C16orf89: variants seen among roughly 807,000 people sequenced by gnomAD.
C16orf89 encodes the protein UPF0764 protein C16orf89.
Under a neutral mutation model 41.5 loss-of-function variants are expected in C16orf89, and 57 were observed. That is an observed-to-expected ratio of 1.38 (90% confidence interval 1.11 to 1.71). The LOEUF is 1.71. Ranked by LOEUF, C16orf89 falls within the 40% of genes most tolerant of loss-of-function variation. C16orf89 has a pLI of 0.00. For missense variants in C16orf89, 575 were observed against 445.9 expected (o/e 1.29, Z -2.61); for synonymous variants, 223 against 190.6 (o/e 1.17, Z -1.40).
At chr16:5,046,620 G>C (rs1217514108) in intron 7 of C16orf89, among the ~76,000 whole-genome samples, 3 of 152,130 alleles carry the variant, frequency 2.0e-5, no homozygotes, top group African/African-American at 7.2e-5. Flanking sequence ...CAAAGTGCTA[G>C]GATTACAGGC....
At chr16:5,045,488 A>G (rs1312091855) in intron 7 of C16orf89, among the ~76,000 whole-genome samples, 2 of 152,146 alleles carry the variant, frequency 1.3e-5, no homozygotes, top group African/African-American at 4.8e-5. Flanking sequence ...GGAGCCAGGA[A>G]TTCTTTCCTC....
chr16:5,045,629 A>T lies in C16orf89; in HGVS notation c.956-1151T>A, dbSNP rs1277860665. Among the ~76,000 whole-genome samples the T allele has an allele frequency of 4.6e-5, 7 of 152,158 alleles. 1 individual carries two copies. The highest frequency in any genetic ancestry group is 4.6e-4 in the Admixed American group (7 of 15,274). On this transcript the variant is annotated intron_variant, in intron 7 of 7. Coordinates refer to ENST00000472572, the MANE Select transcript of C16orf89 (RefSeq NM_001098514.3). ...CCTCTCAGTGGCCTACTGTATGCCA[A>T]ATACAATGGGGAGGGCTTTGCACGA...
chr16:5,047,929 A>G lies in C16orf89; in HGVS notation c.904T>C (p.Tyr302His), dbSNP rs747298125. ...EDEELSKAIQ[Y>H]QQHFSRRVKR... ...ACTCTCCTCGAAAAATGCTGCTGAT[A>G]TTGAATAGCTTTAGATAATTCTTCA... is the stretch of plus-strand genomic sequence containing the variant. Residue 302 changes from tyrosine to histidine, a missense_variant, in exon 7 of 8, where the codon TAT becomes CAT. Physicochemically the swap from Tyr to His is moderately conservative, Grantham distance 83. Transcript: ENST00000472572. 32 of 1,603,958 alleles carry G rather than the reference A, an allele frequency of 2.0e-5. No homozygotes were observed. Among genetic ancestry groups the G allele is most frequent in the Non-Finnish European group, 2.0e-5 (24 of 1,171,804 alleles).
intron 3 of C16orf89, 65 bp from the exon 4 acceptor site, chr16:5,058,675 C>T: frequency 7.4e-7 from 1 of 1,349,578 alleles, no homozygotes. Context: ...TCTTCCCAGC[C>T]CCCTAGTTGT....
At chr16:5,062,320 T>C (rs1233975547) in intron 2 of C16orf89, 105 bp downstream of exon 2, 2 of 1,366,044 alleles carry the variant, frequency 1.5e-6, no homozygotes, top group Non-Finnish European at 1.9e-6. Context: ...GGTTACGGAC[T>C]GTCCCAGCCC....
chr16:5,053,427 G>C (rs1279015629), intron 6 of C16orf89, among the ~76,000 whole-genome samples: 1 of 152,108 alleles, frequency 6.6e-6, no homozygotes, highest in African/African-American at 2.4e-5. Context: ...AGGGGGATGG[G>C]GGAGAGGAGA....
Position 5,060,379 on chromosome 16 carries a change from G to T in C16orf89, c.416C>A (p.Thr139Asn), listed in dbSNP as rs373894585. 261 of 1,613,430 alleles carry T rather than the reference G, an allele frequency of 1.6e-4. 1 individual carries two copies. The highest frequency in any genetic ancestry group is 1.9e-4 in the Non-Finnish European group (223 of 1,179,776). ...FWKLPHAWIH[T>N]DASLVYPTFG... is the part of the protein sequence containing the mutation. ...CGTGGGGTACACCAAGGAGGCATCA[G>T]TGTGGATCCAGGCATGTGGGAGCTT... Residue 139 changes from threonine to asparagine, a missense_variant, in exon 3 of 8, where the codon ACT (threonine) becomes AAT (asparagine). Physicochemically the swap from Thr to Asn is moderately conservative, Grantham distance 65. Transcript: ENST00000472572.
chr16:5,061,269 A>AG (rs1441891602), intron 2 of C16orf89, among the ~76,000 whole-genome samples: 1 of 145,302 alleles, frequency 6.9e-6, no homozygotes, highest in Non-Finnish European at 1.5e-5. Context: ...CTCAAGAAAA[A>AG]AAAAAAAAAA....
rs202137007 is a variant in C16orf89, at chr16:5,062,506, C to G, written c.277G>C (p.Gly93Arg). 1.2e-5 allele frequency: 20 copies of G among 1,614,002 alleles called. No homozygotes were observed. Among genetic ancestry groups the G allele is most frequent in the Non-Finnish European group, 1.6e-5 (19 of 1,179,974 alleles). ...PLLQPLSLRV[G>R]MLGEKLEAAI... is the part of the protein sequence containing the mutation. ...GCCTCCAGCTTCTCCCCCAGCATCC[C>G]CACGCGCAGGCTCAGCGGCTGCAGC... The change falls in exon 2 of 8, where the codon GGG (glycine) becomes CGG (arginine). Residue 93 changes from glycine (G) to arginine (R), a missense_variant. Transcript: ENST00000472572.
At position 5,053,245 on chromosome 16, in the gene C16orf89, C is replaced by T. The variant is rs569885523; in HGVS notation, c.868+2001G>A. On this transcript the variant is annotated intron_variant, in intron 6 of 7. Coordinates refer to ENST00000472572, the MANE Select transcript of C16orf89 (RefSeq NM_001098514.3). The stretch of plus-strand genomic sequence containing the variant: ...ATTAGCTGGGCGTGGTGGCATGCAC[C>T]TGTAGTCCCAGCTACTCGGGAGGCT... 8.5e-5 allele frequency among the ~76,000 whole-genome samples: 13 copies of T among 152,210 alleles called. No individual in the cohort carries two copies. The South Asian group carries it at 2.7e-3, about 32-fold the overall frequency.
At chr16:5,065,341 A>C (rs533227386) in intron 1 of C16orf89, among the ~76,000 whole-genome samples, 28 of 152,274 alleles carry the variant, frequency 1.8e-4, no homozygotes, top group Admixed American at 1.1e-3. Context: ...CAGCCACCTC[A>C]TTCAAGGGGA....
intron 6 of C16orf89, among the ~76,000 whole-genome samples, chr16:5,051,821 C>G (rs1956401726): frequency 1.3e-5 from 2 of 152,014 alleles, no homozygotes; most frequent in East Asian, 1.9e-4. Context: ...AAAATATGGC[C>G]AGGTGCGGTG....
At chr16:5,047,064 A>G (rs1054575548) in intron 7 of C16orf89, among the ~76,000 whole-genome samples, 4 of 152,076 alleles carry the variant, frequency 2.6e-5, no homozygotes, top group Non-Finnish European at 5.9e-5. Context: ...TACATTTCCC[A>G]GGATGTCTTG....
chr16:5,047,144 C>T (rs1354582574), intron 7 of C16orf89, among the ~76,000 whole-genome samples: 1 of 152,188 alleles, frequency 6.6e-6, no homozygotes, highest in Non-Finnish European at 1.5e-5. Flanking sequence ...CTCCCTTCCT[C>T]TCTCTGTCTC....
chr16:5,048,319 C>A (rs182579041), intron 6 of C16orf89, among the ~76,000 whole-genome samples: 238 of 152,266 alleles, frequency 1.6e-3, no homozygotes, highest in African/African-American at 5.6e-3. Flanking sequence ...TATGTGTGAG[C>A]CCCTGCAGCT....
In C16orf89 at chr16:5,065,714, G is replaced by T. The variant is rs371961030; in HGVS notation, c.195C>A (p.Val65=). The T allele has an allele frequency of 6.2e-7, 1 of 1,613,474 alleles. No individual in the cohort carries two copies. Among genetic ancestry groups the T allele is most frequent in the Non-Finnish European group, 8.5e-7 (1 of 1,179,398 alleles). Reference sequence around the variant, plus strand: ...GGGCTCACTCACCTTCCAGCACTCGGACCCCCACCATGCCATCCAGGTTGA... The same window carrying T: ...GGGCTCACTCACCTTCCAGCACTCGTACCCCCACCATGCCATCCAGGTTGA... ...PEINLDGMVG[V]RVLEEQLKSV... Residue 65 remains valine (V), a synonymous_variant, in exon 1 of 8, where the codon GTC becomes GTA. Coordinates refer to ENST00000472572, the MANE Select transcript of C16orf89 (RefSeq NM_001098514.3).
rs576400681 is a variant in C16orf89, at chr16:5,058,390, C to T, written c.627+103G>A. 247 of 1,055,324 alleles carry T rather than the reference C, an allele frequency of 2.3e-4. No homozygotes were observed. In the African/African-American group the frequency reaches 3.5e-3, roughly 15 times the overall value. The allele number at this position is 1,055,324 out of a possible 1,614,324, so 65.4% of individuals were successfully genotyped here. A position where few individuals can be genotyped will look rare whatever the true frequency, so the allele number is the denominator to read the frequency against. ...TCAAGTGATCTGCCTGCCTTGGCCT[C>T]CCAAAGTGCTTGGATTACAGGCATG... On this transcript the variant is annotated intron_variant, in intron 4 of 7. Transcript: ENST00000472572.
At chr16:5,050,368 CAA>C (rs1284420701) in intron 6 of C16orf89, among the ~76,000 whole-genome samples, 3 of 124,866 alleles carry the variant, frequency 2.4e-5, no homozygotes, top group Admixed American at 8.2e-5. Context: ...ACTCTGTCTC[CAA>C]AAAAAAAAAG....
chr16:5,061,060 A>G (rs996564237), intron 2 of C16orf89, among the ~76,000 whole-genome samples: 7 of 150,532 alleles, frequency 4.7e-5, no homozygotes, highest in Non-Finnish European at 8.8e-5. Context: ...CAGGAGTTCA[A>G]GACCAGTCTG....
Sources: gnomAD v4.1 joint callset for allele counts (sites outside exome capture counted in the v4.1 genomes callset) on GRCh38, gnomAD v4.1.1 for gene constraint, MANE v1.5 for transcripts, NCBI Gene and HGNC (gene_info 2026-07-23, HGNC 2026-07-21) for gene names.